C2: variants seen among roughly 807,000 people sequenced by gnomAD.
The protein encoded by C2 is complement C2.
C2 carries 64 observed loss-of-function variants against 85.2 expected under a neutral mutation model. That is an observed-to-expected ratio of 0.75 (90% CI 0.61 to 0.92). The LOEUF is 0.92. C2 is among the 40% of genes least tolerant of loss of function. The pLI is 0.00. For synonymous variants in C2, 311 were observed against 370.8 expected (o/e 0.84, Z 1.85); for missense variants, 820 against 971.6 (o/e 0.84, Z 2.07).
chr6:31,909,736 G>A (rs1274798057), intron 1 of C2, among the ~76,000 whole-genome samples: 3 of 151,574 alleles, frequency 2.0e-5, no homozygotes. Flanking sequence ...GAGCCACTGT[G>A]CCCACCCTAT....
At chr6:31,924,998 C>T (rs1769179727), upstream of C2, among the ~76,000 whole-genome samples, 1 of 152,076 alleles carries the variant, frequency 6.6e-6, no homozygotes, top group Admixed American at 6.6e-5. Context: ...GACCTTGCAG[C>T]TTATGTTTTG....
chr6:31,914,924 C>T lies in C2; in HGVS notation c.73+13785C>T, dbSNP rs561992186. ...CAAGACTCCATCACAACAACAACAA[C>T]AACAACAAAAACAATGAACAAGCAG... On this transcript the variant is annotated intron_variant, in intron 1 of 3. Transcript: ENST00000452202. Among the ~76,000 whole-genome samples the T allele has an allele frequency of 5.9e-5, 9 of 152,152 alleles. No individual in the cohort carries two copies. In the East Asian group the frequency reaches 1.7e-3, roughly 29 times the overall value.
At chr6:31,932,709 G>A (rs1269655136) in intron 3 of C2, among the ~76,000 whole-genome samples, 2 of 152,124 alleles carry the variant, frequency 1.3e-5, no homozygotes, top group African/African-American at 2.4e-5. Flanking sequence ...CTTCCCAGAC[G>A]GGGTGGCGGC....
At chr6:31,902,497 G>C (rs965442085) in intron 1 of C2, among the ~76,000 whole-genome samples, 2 of 152,214 alleles carry the variant, frequency 1.3e-5, no homozygotes, top group Non-Finnish European at 2.9e-5. Context: ...GCTGCCCTGG[G>C]TGCATCCGTG....
intron 9 of C2, among the ~76,000 whole-genome samples, chr6:31,940,662 C>G (rs2151765785): frequency 6.6e-6 from 1 of 152,294 alleles, no homozygotes; most frequent in East Asian, 1.9e-4. Flanking sequence ...CTTTAAAACT[C>G]TGGCCCAAGG....
At chr6:31,940,616 C>G (rs1423200388) in intron 9 of C2, among the ~76,000 whole-genome samples, 1 of 152,178 alleles carries the variant, frequency 6.6e-6, no homozygotes, top group African/African-American at 2.4e-5. Context: ...CTGCCCCCTC[C>G]CCCATCACCT....
intron 1 of C2, among the ~76,000 whole-genome samples, chr6:31,910,527 G>A (rs1768022477): frequency 6.6e-6 from 1 of 151,746 alleles, no homozygotes; most frequent in Non-Finnish European, 1.5e-5. Flanking sequence ...ACAGGGTTTT[G>A]CCATGTTGCT....
At position 31,945,259 on chromosome 6, in the gene C2, A is replaced by G. The variant is rs375747855; in HGVS notation, c.2161A>G (p.Lys721Glu). The G allele has an allele frequency of 2.5e-6, 4 of 1,612,752 alleles. No individual in the cohort carries two copies. In the African/African-American group the frequency reaches 5.3e-5, roughly 22 times the overall value. ...KNSRKRAPRS[K>E]VPPPRDFHIN... ...CTCCCGCAAAAGGGCCCCTCGTAGC[A>G]AGGTCCCGCCGCCACGAGACTTTCA... The change falls in exon 18 of 18, where the codon AAG becomes GAG. Residue 721 changes from lysine (K) to glutamate (E), a missense_variant. By Grantham distance (56) the Lys-to-Glu change is moderately conservative (BLOSUM62 1). Transcript: ENST00000299367. This position sits in a 1 kb window ranked among gnomAD's most constrained non-coding sequence, Gnocchi z 5.3.
rs950882053 is a variant in C2, at chr6:31,931,806, G to C, written c.443-1804G>C. Among the ~76,000 whole-genome samples, 19 of 152,222 alleles carry C rather than the reference G, an allele frequency of 1.2e-4. 1 individual carries two copies. The South Asian group carries it at 3.9e-3, about 32-fold the overall frequency. On this transcript the variant is annotated intron_variant, in intron 3 of 17. Transcript: ENST00000299367. ...CACCTCCCAGACGGGGTGGTGGCCG[G>C]GCAGAGGGGCTCCTCACTTTCCAGT...
upstream of C2, among the ~76,000 whole-genome samples, chr6:31,917,418 G>A (rs1422395167): frequency 3.3e-5 from 5 of 151,900 alleles, no homozygotes; most frequent in South Asian, 2.1e-4. Flanking sequence ...CACTTATAAC[G>A]GAACTAAATA....
upstream of C2, chr6:31,897,840 T>C: frequency 9.6e-7 from 1 of 1,046,120 alleles, no homozygotes; most frequent in Non-Finnish European, 1.2e-6. Flanking sequence ...AGCTGGGAGC[T>C]GCAAGGGAGA....
chr6:31,919,145 T>TTTTC (rs990471869), upstream of C2, among the ~76,000 whole-genome samples: 12 of 113,286 alleles, frequency 1.1e-4, no homozygotes, highest in African/African-American at 4.6e-4. Flanking sequence ...TTTTCTTTTC[T>TTTTC]TTTTTTTTTT....
At chr6:31,902,604 C>T (rs1351001007) in intron 1 of C2, among the ~76,000 whole-genome samples, 2 of 152,268 alleles carry the variant, frequency 1.3e-5, no homozygotes, top group African/African-American at 2.4e-5. Flanking sequence ...ACAGTTGCTC[C>T]AGACACATTC....
At chr6:31,916,892 C>G (rs1168557228), upstream of C2, among the ~76,000 whole-genome samples, 3 of 100,980 alleles carry the variant, frequency 3.0e-5, no homozygotes, top group South Asian at 3.4e-4. Context: ...AAAAAAAAGG[C>G]TGGCTGTGGT....
rs781758918 is a variant in C2 at position 31,944,827 on chromosome 6, C to A, written c.2003C>A (p.Thr668Asn). The A allele has an allele frequency of 1.2e-6, 2 of 1,613,058 alleles. No homozygotes were observed. The highest frequency in any genetic ancestry group is 1.7e-5 in the Admixed American group (1 of 60,026). ...VVTDQFLCSG[T>N]QEDESPCKGE... ...ACAGACCAGTTCCTATGCAGTGGGACCCAGGAGGATGAGAGTCCCTGCAAG... is the reference window on the plus strand; with the variant it reads ...ACAGACCAGTTCCTATGCAGTGGGAACCAGGAGGATGAGAGTCCCTGCAAG... Residue 668 changes from threonine (T) to asparagine (N), a missense_variant, in exon 16 of 18, where the codon ACC (threonine) becomes AAC (asparagine). By Grantham distance (65) the Thr-to-Asn change is moderately conservative. Coordinates refer to ENST00000299367, the MANE Select transcript of C2 (RefSeq NM_000063.6). This position sits in a 1 kb window ranked among gnomAD's most constrained non-coding sequence, Gnocchi z 5.1.
intron 1 of C2, among the ~76,000 whole-genome samples, chr6:31,907,000 C>T (rs1000533023): frequency 6.6e-6 from 1 of 151,370 alleles, no homozygotes; most frequent in African/African-American, 2.4e-5. Flanking sequence ...ATTAGCTGGG[C>T]GTGGTGGTGC....
intron 1 of C2, among the ~76,000 whole-genome samples, chr6:31,905,085 G>A (rs1354195201): frequency 2.0e-5 from 3 of 152,006 alleles, no homozygotes; most frequent in Non-Finnish European, 4.4e-5. Flanking sequence ...TCCTTAGCTT[G>A]CAGTACCAAA....
At chr6:31,900,245 G>A (rs1767096112), upstream of C2, 1 of 1,613,824 alleles carries the variant, frequency 6.2e-7, no homozygotes, top group East Asian at 2.2e-5. This position sits in a 1 kb window ranked among gnomAD's most constrained non-coding sequence, Gnocchi z 9.7. Flanking sequence ...GAAGTGCTGC[G>A]CCCGCATGTG....
intron 1 of C2, chr6:31,901,447 C>G: frequency 1.0e-6 from 1 of 978,310 alleles, no homozygotes; most frequent in East Asian, 2.6e-5. Context: ...CTTCAGATTT[C>G]TTCCTCAGTT....
Sources: allele counts gnomAD v4.1 joint callset (sites outside exome capture counted in the v4.1 genomes callset), GRCh38; gene constraint gnomAD v4.1.1; non-coding constraint Gnocchi (gnomAD v3.1); transcripts MANE v1.5; gene names NCBI Gene and HGNC (gene_info 2026-07-23, HGNC 2026-07-21).